HOOK1: variants seen among roughly 807,000 people sequenced by gnomAD.
HOOK1 encodes protein Hook homolog 1.
HOOK1 carries 60 observed loss-of-function variants against 112.8 expected under a neutral mutation model. That is an observed-to-expected ratio of 0.53 (90% confidence interval 0.43 to 0.66). HOOK1 has a LOEUF of 0.66. Among genes scored for constraint, HOOK1 ranks in the 30% least tolerant of loss-of-function variants. The probability of loss-of-function intolerance (pLI) is 0.00; values close to 1 mark genes in which losing one functional copy is unlikely to be tolerated. For missense variants in HOOK1, 770 were observed against 856.0 expected, an observed-to-expected ratio of 0.90 and a Z score of 1.25; for synonymous variants, 294 against 283.8, an observed-to-expected ratio of 1.04 and a Z score of -0.36.
At chr1:59,860,438 C>T (rs2098412977) in intron 15 of HOOK1, 110 bp downstream of exon 15, 1 of 943,354 alleles carries the variant, frequency 1.1e-6, no homozygotes, top group East Asian at 2.8e-5. Flanking sequence ...TTAGAATTAC[C>T]TAGAAATAGT....
chr1:59,818,848 T>C (rs1016169281), intron 1 of HOOK1, among the ~76,000 whole-genome samples: 6 of 152,202 alleles, frequency 3.9e-5, no homozygotes, highest in African/African-American at 1.4e-4. Flanking sequence ...AAAATAAAGT[T>C]GATCCAAGAT....
At chr1:59,839,553 T>A (rs1353104687) in intron 7 of HOOK1, among the ~76,000 whole-genome samples, 2 of 152,234 alleles carry the variant, frequency 1.3e-5, no homozygotes, top group Non-Finnish European at 2.9e-5. Flanking sequence ...TCCTGAGACT[T>A]TGCTGAAGTT....
chr1:59,817,860 A>C (rs2098382778), intron 1 of HOOK1, among the ~76,000 whole-genome samples: 1 of 152,138 alleles, frequency 6.6e-6, no homozygotes, highest in Admixed American at 6.5e-5. Flanking sequence ...AAAGTAATCC[A>C]GTTGGCTTTT....
intron 20 of HOOK1, among the ~76,000 whole-genome samples, chr1:59,870,158 G>A (rs1334610309): frequency 6.6e-6 from 1 of 152,140 alleles, no homozygotes; most frequent in Non-Finnish European, 1.5e-5. Flanking sequence ...CCCAGTGAAA[G>A]TCAGTGAAAA....
At chr1:59,871,143 A>C in intron 21 of HOOK1, 33 bp downstream of exon 21, 1 of 1,503,992 alleles carries the variant, frequency 6.6e-7, no homozygotes. Context: ...ATTGGATGAG[A>C]ACGGTGTTTA....
chr1:59,855,227 C>G (rs1208254846), intron 12 of HOOK1, among the ~76,000 whole-genome samples: 1 of 152,204 alleles, frequency 6.6e-6, no homozygotes, highest in African/African-American at 2.4e-5. Flanking sequence ...AAGATTGTTT[C>G]CTCAACCAGG....
chr1:59,854,026 ATATATATATATATTTTTTT>A (rs2098408903), intron 12 of HOOK1, among the ~76,000 whole-genome samples: 1 of 22,712 alleles, frequency 4.4e-5, no homozygotes, highest in Non-Finnish European at 9.1e-5. Context: ...ATATATATAT[ATATATATATATATTTTTTT>A]TTTTTTTTTT....
chr1:59,869,942 G>A (rs1574229264), intron 20 of HOOK1, among the ~76,000 whole-genome samples: 1 of 152,138 alleles, frequency 6.6e-6, no homozygotes, highest in East Asian at 1.9e-4. Context: ...GGTACATGTG[G>A]ACGTGTCTTG....
chr1:59,815,205 G>GAGGGGGCC, intron 1 of HOOK1, 25 bp downstream of exon 1: 2 of 1,539,862 alleles, frequency 1.3e-6, no homozygotes, highest in East Asian at 2.5e-5. Context: ...GCGAGAGGGC[G>GAGGGGGCC]AGGGGGCCAG....
At position 59,855,957 on chromosome 1, in the gene HOOK1, T is replaced by TAAAA. The variant is rs1418665294; in HGVS notation, c.1243-2470_1243-2469insAAAA. Among the ~76,000 whole-genome samples the TAAAA allele has an allele frequency of 6.7e-5, 7 of 104,470 alleles. No individual in the cohort carries two copies. In the East Asian group the frequency reaches 9.8e-4, roughly 15 times the overall value. The allele number at this position is 104,470 out of a possible 152,430, so 68.5% of individuals were successfully genotyped here. A position where few individuals can be genotyped will look rare whatever the true frequency, so the allele number is the denominator to read the frequency against. On this transcript the variant is annotated intron_variant, in intron 12 of 21. Transcript: ENST00000371208. ...CCCAGCTAATTTATATATATATATA[T>TAAAA]ATAAATTATTATATATATATATATA...
intron 7 of HOOK1, among the ~76,000 whole-genome samples, chr1:59,838,815 A>T (rs185886840): frequency 1.2e-4 from 18 of 152,026 alleles, no homozygotes; most frequent in South Asian, 4.1e-4. Flanking sequence ...TTCTTCTAGG[A>T]TTTTTATGGT....
At chr1:59,821,777 T>G in intron 1 of HOOK1, 81 bp from the exon 2 acceptor site, 1 of 1,056,056 alleles carries the variant, frequency 9.5e-7, no homozygotes, top group Non-Finnish European at 1.3e-6. Flanking sequence ...TTTTAGCTGT[T>G]TTCAATTTAT....
At chr1:59,848,249 A>T in intron 10 of HOOK1, 66 bp from the exon 11 acceptor site, 2 of 1,099,798 alleles carry the variant, frequency 1.8e-6, no homozygotes, top group Non-Finnish European at 2.6e-6. Flanking sequence ...TTCATTTTAT[A>T]GCCAGAGTAA....
chr1:59,850,690 G>A (rs1411486117), intron 12 of HOOK1, among the ~76,000 whole-genome samples: 2 of 151,446 alleles, frequency 1.3e-5, no homozygotes, highest in African/African-American at 4.8e-5. Context: ...GTGTATACAT[G>A]TCATTATACA....
rs529996536 is a variant in HOOK1 at position 59,858,936 on chromosome 1, A to T, written c.1331-49A>T. ...GGGGGGGAAGGAGGGAGGGTTTTTTAAAATAGTTGAAATACTGAAATGCTA... is the reference window on the plus strand; with the variant it reads ...GGGGGGGAAGGAGGGAGGGTTTTTTTAAATAGTTGAAATACTGAAATGCTA... On this transcript the variant is annotated intron_variant, in intron 13 of 21. Transcript: ENST00000371208. 6 of 1,166,776 alleles carry T rather than the reference A, an allele frequency of 5.1e-6. No homozygotes were observed. The East Asian group carries it at 1.2e-4, about 24-fold the overall frequency. The allele number at this position is 1,166,776 out of a possible 1,614,324, so 72.3% of individuals were successfully genotyped here. A position where few individuals can be genotyped will look rare whatever the true frequency, so the allele number is the denominator to read the frequency against.
rs1452839726 is a variant in HOOK1, at chr1:59,872,981, A to G, written c.*16A>G. The stretch of plus-strand genomic sequence containing the variant: ...ATCTGATTAAACTGCAAAAAAAACA[A>G]AACAAAACAAAAAAACCACATAAAA... On this transcript the variant is annotated 3_prime_UTR_variant, in exon 22 of 22. Transcript: ENST00000371208. 1.4e-6 allele frequency: 2 copies of G among 1,437,926 alleles called. No individual in the cohort carries two copies. Among genetic ancestry groups the G allele is most frequent in the African/African-American group, 2.9e-5 (2 of 69,060 alleles). 89.1% of individuals were successfully genotyped at this position (1,437,926 alleles called of 1,614,324 possible).
intron 17 of HOOK1, 77 bp downstream of exon 17, chr1:59,864,743 G>A (rs897257690): frequency 2.7e-5 from 25 of 915,172 alleles, no homozygotes; most frequent in East Asian, 5.2e-5. Context: ...TCTCCTTTTC[G>A]GATTTTGTCT....
At chr1:59,840,704 T>C (rs1559050615) in intron 8 of HOOK1, among the ~76,000 whole-genome samples, 2 of 152,134 alleles carry the variant, frequency 1.3e-5, no homozygotes, top group Non-Finnish European at 2.9e-5. Context: ...CTTCATATTG[T>C]GTATGTGAAT....
intron 9 of HOOK1, among the ~76,000 whole-genome samples, chr1:59,845,479 C>T (rs763977395): frequency 6.6e-6 from 1 of 151,750 alleles, no homozygotes; most frequent in Non-Finnish European, 1.5e-5. Flanking sequence ...AATTAGGATC[C>T]GTCAAGTATG....
Sources: allele counts gnomAD v4.1 joint callset (sites outside exome capture counted in the v4.1 genomes callset), GRCh38; gene constraint gnomAD v4.1.1; transcripts MANE v1.5; gene names NCBI Gene and HGNC (gene_info 2026-07-23, HGNC 2026-07-21).